Variants in ZNF138 observed in about 807,000 individuals in gnomAD.
ZNF138 encodes the protein zinc finger protein 138.
ZNF138 carries 33 observed loss-of-function variants against 33.0 expected under a neutral mutation model. The observed-to-expected ratio is 1.00, with a 90% CI of 0.76 to 1.34. ZNF138 has a LOEUF of 1.34. ZNF138 is among the 40% of genes most tolerant of loss of function. The probability of loss-of-function intolerance (pLI) is 0.00; values close to 1 mark genes in which losing one functional copy is unlikely to be tolerated. For missense variants in ZNF138, 360 were observed against 370.8 expected, an observed-to-expected ratio of 0.97 and a Z score of 0.24; for synonymous variants, 139 against 120.4, an observed-to-expected ratio of 1.15 and a Z score of -1.01.
chr7:64,839,062 C>T, the ZNF138 span, among the ~76,000 whole-genome samples: 92,474 of 151,992 alleles, frequency 0.61, 28,439 homozygotes, highest in East Asian at 0.7. Context: ...TTGGCGGCAG[C>T]GGTCTGACGA....
At chr7:64,827,671 G>T (rs1789752136) in intron 3 of ZNF138, among the ~76,000 whole-genome samples, 1 of 151,788 alleles carries the variant, frequency 6.6e-6, no homozygotes, top group African/African-American at 2.4e-5. Flanking sequence ...AATTTGGAAA[G>T]TTTTCAGACA....
intron 2 of ZNF138, among the ~76,000 whole-genome samples, 162 bp from the exon 3 acceptor site, chr7:64,815,414 T>G (rs1214768676): frequency 6.6e-6 from 1 of 152,212 alleles, no homozygotes; most frequent in Non-Finnish European, 1.5e-5. Context: ...TTTCTAAATA[T>G]TTAGAATTTT....
intron 1 of ZNF138, among the ~76,000 whole-genome samples, chr7:64,801,444 T>C (rs1025152041): frequency 3.3e-5 from 5 of 152,210 alleles, no homozygotes; most frequent in African/African-American, 1.2e-4. Flanking sequence ...GTACAGGTTG[T>C]TTAATTTCCA....
chr7:64,831,515 A>G lies in ZNF138; in HGVS notation c.273A>G (p.Lys91=), dbSNP rs868168893. ...AGAACATAAAAGATTCTTTCCAAAAAGTGACACTGAGCAGATATGGAAAAT... is the reference window on the plus strand; with the variant it reads ...AGAACATAAAAGATTCTTTCCAAAAGGTGACACTGAGCAGATATGGAAAAT... ...LEQNIKDSFQ[K]VTLSRYGKYG... The change falls in exon 4 of 4, where the codon AAA becomes AAG. Residue 91 remains lysine (K), a synonymous_variant. Coordinates refer to ENST00000307355, the MANE Select transcript of ZNF138 (RefSeq NM_001271639.2). 6.2e-7 allele frequency: 1 copy of G among 1,608,112 alleles called. No individual in the cohort carries two copies. The highest frequency in any genetic ancestry group is 8.5e-7 in the Non-Finnish European group (1 of 1,178,332).
the ZNF138 span, among the ~76,000 whole-genome samples, chr7:64,860,076 G>A: frequency 6.6e-6 from 1 of 152,196 alleles, no homozygotes; most frequent in African/African-American, 2.4e-5. Context: ...GGCGGAGGTT[G>A]CAGTGAGCCA....
chr7:64,849,907 G>A, the ZNF138 span, among the ~76,000 whole-genome samples: 1 of 152,098 alleles, frequency 6.6e-6, no homozygotes, highest in East Asian at 1.9e-4. Context: ...CAGGGCTTTT[G>A]TGCCTTGCTG....
At chr7:64,805,422 A>AAAAAAT (rs768845135) in intron 1 of ZNF138, among the ~76,000 whole-genome samples, 5 of 151,460 alleles carry the variant, frequency 3.3e-5, no homozygotes, top group Non-Finnish European at 7.4e-5. Flanking sequence ...AAAAAAAAAA[A>AAAAAAT]CTGAGGCTGA....
In ZNF138 at chr7:64,832,308, A is replaced by G; in HGVS notation, c.*106A>G. ...TTCAACCCTTATTACACATAAGATA[A>G]TTCATAGCGGAGAGAAACCCCACAA... On this transcript the variant is annotated 3_prime_UTR_variant, in exon 4 of 4. Transcript: ENST00000307355. 6.3e-7 allele frequency: 1 copy of G among 1,580,222 alleles called. No individual in the cohort carries two copies. The highest frequency in any genetic ancestry group is 8.6e-7 in the Non-Finnish European group (1 of 1,165,874).
chr7:64,795,042 C>G (rs1324090524), intron 1 of ZNF138, among the ~76,000 whole-genome samples: 1 of 152,058 alleles, frequency 6.6e-6, no homozygotes, highest in Non-Finnish European at 1.5e-5. Flanking sequence ...CAGTAGTGGT[C>G]CGTGGGAGGG....
At chr7:64,813,177 G>A (rs1162517539) in intron 1 of ZNF138, among the ~76,000 whole-genome samples, 2 of 152,108 alleles carry the variant, frequency 1.3e-5, no homozygotes, top group Admixed American at 6.5e-5. Context: ...CAAGGTTTCT[G>A]TTGGGGGAAA....
chr7:64,794,456 G>A lies in ZNF138; in HGVS notation c.-113G>A. The A allele has an allele frequency of 6.6e-7, 1 of 1,505,062 alleles. No homozygotes were observed. The allele number at this position is 1,505,062 out of a possible 1,614,324, so 93.2% of individuals were successfully genotyped here. On this transcript the variant is annotated 5_prime_UTR_variant, in exon 1 of 4. Coordinates refer to ENST00000307355, the MANE Select transcript of ZNF138 (RefSeq NM_001271639.2). ...TCGCTGCAGCGGGTGCTGCAGGTCT[G>A]GCCTTCACTTTTCTGCGTCCTCTTA...
the ZNF138 span, among the ~76,000 whole-genome samples, chr7:64,850,974 C>T: frequency 0.47 from 71,180 of 151,782 alleles, 16,879 homozygotes; most frequent in Middle Eastern, 0.52. Context: ...ATATTAATAG[C>T]ATTTTTCATT....
intron 1 of ZNF138, among the ~76,000 whole-genome samples, chr7:64,798,529 C>T (rs867784371): frequency 2.0e-5 from 3 of 152,186 alleles, no homozygotes; most frequent in South Asian, 2.1e-4. Context: ...TGGTGGCTTA[C>T]GCCTGTAATC....
intron 3 of ZNF138, among the ~76,000 whole-genome samples, chr7:64,825,677 C>T (rs1033669434): frequency 6.6e-6 from 1 of 151,618 alleles, no homozygotes; most frequent in Admixed American, 6.6e-5. Flanking sequence ...GGAGCTGGGA[C>T]TACAGGTGCT....
intron 1 of ZNF138, among the ~76,000 whole-genome samples, chr7:64,807,656 G>C (rs1306395760): frequency 6.6e-6 from 1 of 152,136 alleles, no homozygotes; most frequent in Non-Finnish European, 1.5e-5. Context: ...GCCAGACTTT[G>C]GATTCAGAAT....
intron 1 of ZNF138, among the ~76,000 whole-genome samples, chr7:64,801,020 T>G (rs1466148965): frequency 6.6e-6 from 1 of 152,204 alleles, no homozygotes; most frequent in African/African-American, 2.4e-5. Flanking sequence ...CTGGGGTCAG[T>G]GGTAATGTCC....
intron 1 of ZNF138, among the ~76,000 whole-genome samples, chr7:64,810,416 C>A: frequency 1.7e-5 from 1 of 57,630 alleles, no homozygotes; most frequent in Non-Finnish European, 3.2e-5. Context: ...AGCTTCGGCT[C>A]AGCATGAGAG....
chr7:64,841,157 C>T, the ZNF138 span, among the ~76,000 whole-genome samples: 150,017 of 152,234 alleles, frequency 0.99, 73,957 homozygotes, highest in East Asian at 1. Context: ...GTATTCATTA[C>T]GTGAGCTGGT....
Position 64,794,434 on chromosome 7 carries a change from C to T in ZNF138, c.-135C>T. 2 of 1,351,518 alleles carry T rather than the reference C, an allele frequency of 1.5e-6. No homozygotes were observed. Among genetic ancestry groups the T allele is most frequent in the Non-Finnish European group, 1.0e-6 (1 of 961,172 alleles). 83.7% of individuals were successfully genotyped at this position (1,351,518 alleles called of 1,614,324 possible). A position where few individuals can be genotyped will look rare whatever the true frequency, so the allele number is the denominator to read the frequency against. On this transcript the variant is annotated 5_prime_UTR_variant, in exon 1 of 4. Transcript: ENST00000307355. ...GGGAGGCGGCGGGGTCTTTGTCTCG[C>T]TGCAGCGGGTGCTGCAGGTCTGGCC...
Sources: allele counts gnomAD v4.1 joint callset (sites outside exome capture counted in the v4.1 genomes callset), GRCh38; gene constraint gnomAD v4.1.1; transcripts MANE v1.5; gene names NCBI Gene and HGNC (gene_info 2026-07-23, HGNC 2026-07-21).